TMPRSS9: variants seen among roughly 807,000 people sequenced by gnomAD.
The protein encoded by TMPRSS9 is transmembrane serine protease 9.
TMPRSS9 carries 113 observed loss-of-function variants against 111.4 expected under a neutral mutation model. That is an observed-to-expected ratio of 1.01 (90% CI 0.87 to 1.19). The LOEUF is 1.19. Ranked by LOEUF, TMPRSS9 falls within the 50% of genes most tolerant of loss-of-function variation. The pLI is 0.00. For missense variants in TMPRSS9, 1,803 were observed against 1,513.1 expected, an observed-to-expected ratio of 1.19 and a Z score of -3.18; for synonymous variants, 805 against 659.1, an observed-to-expected ratio of 1.22 and a Z score of -3.39.
At chr19:2,416,795 C>G in exon 12 of TMPRSS9, 8 of 1,609,732 alleles carry the variant, frequency 5.0e-6, no homozygotes, top group Non-Finnish European at 5.9e-6. Context: ...TGGGGAAATA[C>G]GCAGGAAGGA....
Position 2,424,177 on chromosome 19 carries a change from G to A in TMPRSS9, c.2637G>A (p.Trp879Ter). The change falls in exon 15 of 18, where the codon TGG becomes TGA. Residue 879 changes from tryptophan (W) to a stop codon, truncating the protein, a stop_gained. Coordinates refer to ENST00000648592, the Ensembl canonical transcript of TMPRSS9. LOFTEE classifies it high-confidence loss of function. ...AGTGGCCGTGGCAGGTGAGCCTGTG[G>A]CTGCGGCGCCGGGAACACCGTTGCG... 2 of 1,467,040 alleles carry A rather than the reference G, an allele frequency of 1.4e-6. No individual in the cohort carries two copies. The highest frequency in any genetic ancestry group is 9.1e-7 in the Non-Finnish European group (1 of 1,104,786). The allele number at this position is 1,467,040 out of a possible 1,614,324, so 90.9% of individuals were successfully genotyped here.
intron 1 of TMPRSS9, among the ~76,000 whole-genome samples, chr19:2,374,297 G>T (rs1357415862): frequency 7.5e-6 from 1 of 132,912 alleles, no homozygotes; most frequent in Non-Finnish European, 1.5e-5. Flanking sequence ...AAGAGGTAGG[G>T]CGCGGTGGCT....
At chr19:2,400,607 T>TA (rs1298444606) in intron 4 of TMPRSS9, among the ~76,000 whole-genome samples, 1 of 152,064 alleles carries the variant, frequency 6.6e-6, no homozygotes, top group East Asian at 1.9e-4. Context: ...CACCTGGTTT[T>TA]AAAAAATAAA....
At chr19:2,405,060 G>A (rs953656411) in intron 6 of TMPRSS9, among the ~76,000 whole-genome samples, 1 of 151,888 alleles carries the variant, frequency 6.6e-6, no homozygotes, top group Non-Finnish European at 1.5e-5. Context: ...TAAGCAGACA[G>A]ACACAATATC....
chr19:2,401,895 A>C (rs1025575942), intron 4 of TMPRSS9, 80 bp from the exon 6 acceptor site: 11 of 1,291,102 alleles, frequency 8.5e-6, no homozygotes, highest in Non-Finnish European at 1.2e-5. Flanking sequence ...GGTGTGAGCC[A>C]CCGCGCCCGG....
chr19:2,364,590 T>A (rs116158670), intron 1 of TMPRSS9, among the ~76,000 whole-genome samples: 1 of 150,672 alleles, frequency 6.6e-6, no homozygotes, highest in Non-Finnish European at 1.5e-5. Context: ...AAAAAAAAAA[T>A]TGGGGGGGAT....
intron 7 of TMPRSS9, among the ~76,000 whole-genome samples, chr19:2,407,526 C>G (rs1970991927): frequency 6.8e-6 from 1 of 148,122 alleles, no homozygotes; most frequent in South Asian, 2.2e-4. Flanking sequence ...GACTCTGTCT[C>G]AAAAAAACAA....
At chr19:2,414,141 A>G (rs949824294) in intron 10 of TMPRSS9, 123 bp downstream of exon 11, 1 of 1,031,638 alleles carries the variant, frequency 9.7e-7, no homozygotes, top group East Asian at 2.6e-5. Context: ...TCACATGTGT[A>G]TCCGTTTATT....
At chr19:2,398,065 G>A (rs1364755170) in intron 2 of TMPRSS9, among the ~76,000 whole-genome samples, 3 of 150,802 alleles carry the variant, frequency 2.0e-5, no homozygotes, top group Non-Finnish European at 4.4e-5. Context: ...GGAGGCTGAG[G>A]TGGGCGGATC....
chr19:2,411,011 G>T (rs1040628186), intron 9 of TMPRSS9, among the ~76,000 whole-genome samples: 1 of 152,034 alleles, frequency 6.6e-6, no homozygotes, highest in Non-Finnish European at 1.5e-5. Context: ...ACTCAAGAAG[G>T]TTCCAGGGCT....
chr19:2,383,252 G>A (rs1970407392), intron 1 of TMPRSS9, among the ~76,000 whole-genome samples: 1 of 151,948 alleles, frequency 6.6e-6, no homozygotes, highest in Admixed American at 6.6e-5. Context: ...TACTTGGGAA[G>A]CTGAGGCACA....
chr19:2,414,236 T>C (rs1201660034), intron 10 of TMPRSS9: 6 of 514,046 alleles, frequency 1.2e-5, no homozygotes, highest in South Asian at 7.8e-5. Context: ...GATCTATCAA[T>C]GGGATACTTT....
intron 8 of TMPRSS9, among the ~76,000 whole-genome samples, chr19:2,409,377 C>T (rs575820248): frequency 2.0e-5 from 3 of 152,038 alleles, no homozygotes; most frequent in East Asian, 3.9e-4. Flanking sequence ...CTCCTGACCT[C>T]GTGATCTTCC....
chr19:2,365,608 A>G (rs1045272958), intron 1 of TMPRSS9, among the ~76,000 whole-genome samples: 4 of 136,204 alleles, frequency 2.9e-5, no homozygotes, highest in African/African-American at 1.4e-4. Context: ...GAAGGAAAAA[A>G]CAAACAAACA....
chr19:2,413,591 G>C (rs1971145077), intron 9 of TMPRSS9, 109 bp from the exon 11 acceptor site: 1 of 1,233,764 alleles, frequency 8.1e-7, no homozygotes, highest in Non-Finnish European at 1.1e-6. Context: ...AGCTTGTGTG[G>C]AGAGAGGTCC....
intron 13 of TMPRSS9, among the ~76,000 whole-genome samples, 191 bp downstream of exon 14, chr19:2,418,329 C>T (rs1189827111): frequency 2.9e-5 from 1 of 34,626 alleles, no homozygotes; most frequent in African/African-American, 3.7e-4. Flanking sequence ...CTCCCTCCCT[C>T]CCTTTCCTTC....
At chr19:2,426,006 G>T (rs1333857727) in exon 18 of TMPRSS9, 2 of 1,607,308 alleles carry the variant, frequency 1.2e-6, no homozygotes, top group Non-Finnish European at 1.7e-6. Flanking sequence ...TGGGGCTATG[G>T]CTGTGGCCGG....
chr19:2,424,974 C>T, intron 15 of TMPRSS9, 28 bp from the exon 17 acceptor site: 1 of 1,475,190 alleles, frequency 6.8e-7, no homozygotes, highest in Non-Finnish European at 8.9e-7. Flanking sequence ...GGGGCTCGGG[C>T]CGACGCCTGT....
chr19:2,403,569 G>A (rs542772105), intron 6 of TMPRSS9, among the ~76,000 whole-genome samples: 1 of 152,102 alleles, frequency 6.6e-6, no homozygotes, highest in Non-Finnish European at 1.5e-5. Context: ...AATGCCGTAA[G>A]AGATTAGCAG....
Sources: gnomAD v4.1 joint callset for allele counts (sites outside exome capture counted in the v4.1 genomes callset) on GRCh38, gnomAD v4.1.1 for gene constraint, MANE v1.5 for transcripts, NCBI Gene and HGNC (gene_info 2026-07-23, HGNC 2026-07-21) for gene names.